Variants in MORF4L1 observed in about 807,000 individuals in gnomAD.
MORF4L1 encodes mortality factor 4-like protein 1.
MORF4L1 carries 4 observed loss-of-function variants against 52.9 expected under a neutral mutation model. That is an observed-to-expected ratio of 0.08 (90% CI 0.04 to 0.17). The LOEUF is 0.17. Ranked by LOEUF, MORF4L1 falls within the 10% of genes least tolerant of loss-of-function variation. MORF4L1 has a pLI of 1.00. For synonymous variants in MORF4L1, 123 were observed against 134.8 expected (o/e 0.91, Z 0.61); for missense variants, 214 against 390.4 (o/e 0.55, Z 3.81).
intron 11 of MORF4L1, among the ~76,000 whole-genome samples, chr15:78,895,768 T>C (rs998616809): frequency 2.0e-5 from 3 of 152,232 alleles, no homozygotes; most frequent in African/African-American, 7.2e-5. Flanking sequence ...GGTGGGAGTT[T>C]TCAGTTTCTA....
chr15:78,877,338 T>C (rs2056514143), intron 1 of MORF4L1, among the ~76,000 whole-genome samples: 1 of 152,152 alleles, frequency 6.6e-6, no homozygotes, highest in African/African-American at 2.4e-5. Flanking sequence ...CAGGCTGGTC[T>C]CAAACTCCTG....
chr15:78,874,044 T>G (rs2056429104), intron 1 of MORF4L1: 1 of 152,234 alleles, frequency 6.6e-6, no homozygotes, highest in Admixed American at 6.5e-5. Context: ...ACATGAGTTT[T>G]GGGTAAGGTT....
At chr15:78,891,290 T>C in intron 6 of MORF4L1, 194 bp from the exon 7 acceptor site, 1 of 651,846 alleles carries the variant, frequency 1.5e-6, no homozygotes, top group Non-Finnish European at 2.7e-6. Context: ...TACTAAATGT[T>C]GTCTATACTA....
chr15:78,884,835 A>G (rs907935732), intron 3 of MORF4L1: 7 of 509,690 alleles, frequency 1.4e-5, no homozygotes, highest in Admixed American at 1.2e-4. Context: ...GGAGATTTCT[A>G]AATTTTCAAA....
chr15:78,891,234 T>C, intron 6 of MORF4L1: 1 of 676,642 alleles, frequency 1.5e-6, no homozygotes, highest in Non-Finnish European at 2.5e-6. Context: ...AGTCTTAATG[T>C]CTCCCACTGA....
At chr15:78,890,495 T>A (rs924292617) in intron 5 of MORF4L1, 2 of 152,262 alleles carry the variant, frequency 1.3e-5, no homozygotes, top group Admixed American at 1.3e-4. Context: ...TTCTTTTTTT[T>A]TTGTCTTTGA....
At chr15:78,877,331 G>T (rs2056513928) in intron 1 of MORF4L1, among the ~76,000 whole-genome samples, 1 of 152,104 alleles carries the variant, frequency 6.6e-6, no homozygotes, top group South Asian at 2.1e-4. Context: ...TGTTGGCCAG[G>T]CTGGTCTCAA....
chr15:78,876,746 A>C (rs2056500469), intron 1 of MORF4L1, among the ~76,000 whole-genome samples: 1 of 152,160 alleles, frequency 6.6e-6, no homozygotes, highest in Admixed American at 6.6e-5. Flanking sequence ...CCCGTTTTCC[A>C]GTCTCCGTCT....
chr15:78,882,783 G>A (rs1038633849), intron 3 of MORF4L1, among the ~76,000 whole-genome samples: 1 of 151,178 alleles, frequency 6.6e-6, no homozygotes, highest in South Asian at 2.1e-4. Context: ...CATTTTAAAG[G>A]AATTGTTTTA....
rs1432423403 is a variant in MORF4L1 at position 78,891,535 on chromosome 15, G to C, written c.401G>C (p.Arg134Pro). ...GSTSETPQPP[R>P]KKRARVDPTV... is the part of the protein sequence containing the mutation. ...ACCAGTGAGACCCCTCAGCCTCCTC[G>C]GAAGAAAAGGGCCCGGGTAGATCCT... Residue 134 changes from arginine to proline, a missense_variant, in exon 7 of 12, where the codon CGG (arginine) becomes CCG (proline). By Grantham distance (103) the Arg-to-Pro change is moderately radical. Coordinates refer to ENST00000426013, the MANE Select transcript of MORF4L1 (RefSeq NM_006791.4). The C allele has an allele frequency of 1.9e-6, 3 of 1,613,918 alleles. No homozygotes were observed. The highest frequency in any genetic ancestry group is 1.7e-5 in the Admixed American group (1 of 59,996).
At chr15:78,873,084 C>A in intron 1 of MORF4L1, 27 bp downstream of exon 1, 1 of 1,550,322 alleles carries the variant, frequency 6.5e-7, no homozygotes, top group African/African-American at 1.4e-5. Context: ...GGGAAAAAGG[C>A]ACCTAACGGC....
chr15:78,894,562 C>G, intron 10 of MORF4L1: 1 of 446,740 alleles, frequency 2.2e-6, no homozygotes, highest in East Asian at 4.1e-5. Flanking sequence ...TGTGCACCAC[C>G]ACATCTGTGG....
At chr15:78,879,476 T>TC (rs35672287) in intron 2 of MORF4L1, among the ~76,000 whole-genome samples, 39,257 of 151,946 alleles carry the variant, frequency 0.26, 5,360 homozygotes, top group Non-Finnish European at 0.28. Context: ...TGCCTCGGCC[T>TC]CCCAAAGTGT....
At position 78,890,831 on chromosome 15, in the gene MORF4L1, A is replaced by C. The variant is rs2056788644; in HGVS notation, c.324-158A>C. ...GAGAGAGATGGGAATTTAACCAACT[A>C]TCAATAAAAATCCTTGTGTCTGAGT... On this transcript the variant is annotated intron_variant, in intron 5 of 11. Transcript: ENST00000426013. The C allele has an allele frequency of 4.8e-6, 3 of 619,714 alleles. No individual in the cohort carries two copies. In the South Asian group the frequency reaches 9.1e-5, roughly 19 times the overall value. The allele number at this position is 619,714 out of a possible 1,614,324, so 38.4% of individuals were successfully genotyped here.
At chr15:78,883,568 G>C (rs1221624308) in intron 3 of MORF4L1, among the ~76,000 whole-genome samples, 1 of 152,136 alleles carries the variant, frequency 6.6e-6, no homozygotes, top group Non-Finnish European at 1.5e-5. Flanking sequence ...TGATAGGTTT[G>C]TGTAGATTTT....
chr15:78,894,620 G>A, intron 10 of MORF4L1, 200 bp from the exon 11 acceptor site: 1 of 532,628 alleles, frequency 1.9e-6, no homozygotes, highest in East Asian at 3.1e-5. Context: ...CGTTCGCCAG[G>A]GTGGTCTTGA....
Position 78,891,499 on chromosome 15 carries a change from ATGG to A in MORF4L1, c.369_371del (p.Gly124del). Reference sequence around the variant, plus strand: ...ACATTTACAGCACCTGGAAATGGAGATGGTGGCAGTACCAGTGAGACCCCTCAG... The same window carrying A: ...ACATTTACAGCACCTGGAAATGGAGATGGCAGTACCAGTGAGACCCCTCAG... On this transcript the variant is annotated inframe_deletion, in exon 7 of 12. Transcript: ENST00000426013. The A allele has an allele frequency of 6.2e-7, 1 of 1,613,666 alleles. No individual in the cohort carries two copies. Among genetic ancestry groups the A allele is most frequent in the Non-Finnish European group, 8.5e-7 (1 of 1,179,772 alleles).
At chr15:78,885,240 A>G (rs547250066) in intron 3 of MORF4L1, among the ~76,000 whole-genome samples, 2 of 152,340 alleles carry the variant, frequency 1.3e-5, no homozygotes, top group African/African-American at 4.8e-5. Context: ...CCTTGAGAGT[A>G]CACCTAATTG....
intron 5 of MORF4L1, 41 bp downstream of exon 5, chr15:78,887,390 A>G: frequency 6.5e-7 from 1 of 1,527,048 alleles, no homozygotes; most frequent in African/African-American, 1.4e-5. Context: ...CTATATGTGA[A>G]GATAATATTT....
Sources: allele counts gnomAD v4.1 joint callset (sites outside exome capture counted in the v4.1 genomes callset), GRCh38; gene constraint gnomAD v4.1.1; transcripts MANE v1.5; gene names NCBI Gene and HGNC (gene_info 2026-07-23, HGNC 2026-07-21).